The following PSPC1 variants were observed in gnomAD, a reference collection of about 807,000 sequenced individuals.
PSPC1 encodes the protein paraspeckle protein 1.
PSPC1 carries 14 observed loss-of-function variants against 51.6 expected under a neutral mutation model. That is an observed-to-expected ratio of 0.27 (90% CI 0.18 to 0.42). The LOEUF (loss-of-function observed/expected upper bound fraction) is 0.42. Ranked by LOEUF, PSPC1 falls within the 10% of genes least tolerant of loss-of-function variation. PSPC1 has a pLI of 1.00. For missense variants in PSPC1, 406 were observed against 701.1 expected, an observed-to-expected ratio of 0.58 and a Z score of 4.75; for synonymous variants, 193 against 231.9, an observed-to-expected ratio of 0.83 and a Z score of 1.53.
intron 2 of PSPC1, among the ~76,000 whole-genome samples, chr13:19,768,052 T>C (rs1279831933): frequency 6.6e-6 from 1 of 151,568 alleles, no homozygotes; most frequent in Non-Finnish European, 1.5e-5. Context: ...ACCTCATATC[T>C]ACTTTAAAAA....
At chr13:19,766,753 C>T (rs188064894) in intron 2 of PSPC1, among the ~76,000 whole-genome samples, 1 of 151,242 alleles carries the variant, frequency 6.6e-6, no homozygotes, top group Non-Finnish European at 1.5e-5. Flanking sequence ...AGCTTGGGAG[C>T]CTGAGGTGGG....
chr13:19,729,986 CAT>C (rs1216916274), intron 6 of PSPC1, among the ~76,000 whole-genome samples: 9 of 151,924 alleles, frequency 5.9e-5, no homozygotes, highest in Non-Finnish European at 1.2e-4. Context: ...AACTTAATAG[CAT>C]ATGTTTTTTT....
At chr13:19,744,739 A>AT (rs1367635495) in intron 4 of PSPC1, among the ~76,000 whole-genome samples, 1 of 152,020 alleles carries the variant, frequency 6.6e-6, no homozygotes, top group Non-Finnish European at 1.5e-5. Flanking sequence ...TAATTTTTGT[A>AT]TTTTTAGTAG....
At chr13:19,709,498 C>T (rs767236068) in intron 7 of PSPC1, 44 bp downstream of exon 7, 23 of 1,506,066 alleles carry the variant, frequency 1.5e-5, no homozygotes, top group Non-Finnish European at 2.1e-5. Flanking sequence ...AACAGTCCCC[C>T]CAAAAATGAT....
intron 6 of PSPC1, among the ~76,000 whole-genome samples, chr13:19,713,929 A>G (rs554138466): frequency 1.3e-5 from 2 of 152,292 alleles, no homozygotes; most frequent in East Asian, 3.9e-4. Flanking sequence ...CATTCACTAC[A>G]TTTAATGGTG....
At chr13:19,704,525 T>C (rs1187956401) in intron 8 of PSPC1, among the ~76,000 whole-genome samples, 25 of 152,302 alleles carry the variant, frequency 1.6e-4, no homozygotes, top group Non-Finnish European at 2.5e-4. Context: ...CTTAGCAGCA[T>C]TGGCGCCTCA....
chr13:19,777,517 A>G (rs1289731422), intron 1 of PSPC1, among the ~76,000 whole-genome samples: 1 of 152,096 alleles, frequency 6.6e-6, no homozygotes, highest in African/African-American at 2.4e-5. Flanking sequence ...AAATAAATAA[A>G]TGCATTTATA....
At chr13:19,749,916 T>C (rs1348949312) in intron 4 of PSPC1, among the ~76,000 whole-genome samples, 2 of 152,182 alleles carry the variant, frequency 1.3e-5, no homozygotes, top group Admixed American at 1.3e-4. Flanking sequence ...CTAACTAGTT[T>C]CTATGGTTTG....
downstream of PSPC1, among the ~76,000 whole-genome samples, chr13:19,697,571 TCTCA>T (rs1879408587): frequency 1.3e-5 from 2 of 152,172 alleles, no homozygotes; most frequent in Non-Finnish European, 1.5e-5. Flanking sequence ...TATCTGAACT[TCTCA>T]CTCCAAAGTT....
At chr13:19,772,986 A>G (rs1480145141) in intron 1 of PSPC1, among the ~76,000 whole-genome samples, 3 of 151,944 alleles carry the variant, frequency 2.0e-5, no homozygotes, top group Non-Finnish European at 2.9e-5. Context: ...ACAGGGTGAA[A>G]TCCCACCTCT....
At chr13:19,726,055 T>C (rs376833299) in intron 6 of PSPC1, among the ~76,000 whole-genome samples, 8 of 152,260 alleles carry the variant, frequency 5.3e-5, no homozygotes, top group Admixed American at 6.5e-5. Context: ...CTTGGGAGGC[T>C]GAGGCAGGAA....
Position 19,771,240 on chromosome 13 carries a change from C to T in PSPC1, c.674+1002G>A, listed in dbSNP as rs116189775. On this transcript the variant is annotated intron_variant, in intron 2 of 8. Transcript: ENST00000338910. ...GCAACCTCCGCCCCCCGGGTTCAACCGATTCTGGTGACTCACCCTCCCAAG... is the reference window on the plus strand; with the variant it reads ...GCAACCTCCGCCCCCCGGGTTCAACTGATTCTGGTGACTCACCCTCCCAAG... 1.6e-3 allele frequency among the ~76,000 whole-genome samples: 250 copies of T among 152,048 alleles called. 2 individuals carry two copies. Among genetic ancestry groups the T allele is most frequent in the African/African-American group, 5.8e-3 (239 of 41,516 alleles).
intron 6 of PSPC1, chr13:19,678,580 A>C (rs1382869463): frequency 1.3e-5 from 2 of 152,118 alleles, no homozygotes; most frequent in African/African-American, 4.8e-5. Context: ...CCCATTTGGG[A>C]CTCAATTTGC....
At position 19,741,532 on chromosome 13, in the gene PSPC1, C is replaced by A. The variant is rs372965843; in HGVS notation, c.1052+33G>T. On this transcript the variant is annotated intron_variant, in intron 5 of 8. Coordinates refer to ENST00000338910, the MANE Select transcript of PSPC1 (RefSeq NM_001354909.2). ...GGGGAGTTTTTATTAATAAGACATACAATTCATGTTTCTTAAAATGATCTT... is the reference window on the plus strand; with the variant it reads ...GGGGAGTTTTTATTAATAAGACATAAAATTCATGTTTCTTAAAATGATCTT... 4 of 1,424,280 alleles carry A rather than the reference C, an allele frequency of 2.8e-6. No homozygotes were observed. The Admixed American group carries it at 7.7e-5, about 27-fold the overall frequency. The allele number at this position is 1,424,280 out of a possible 1,614,324, so 88.2% of individuals were successfully genotyped here. A position where few individuals can be genotyped will look rare whatever the true frequency, so the allele number is the denominator to read the frequency against.
At chr13:19,676,340 A>C (rs1304012690) in intron 7 of PSPC1, among the ~76,000 whole-genome samples, 2 of 152,178 alleles carry the variant, frequency 1.3e-5, no homozygotes, top group African/African-American at 4.8e-5. Context: ...TGGCTTGAGA[A>C]TGTGCATTCT....
At chr13:19,729,872 C>T (rs181851865) in intron 6 of PSPC1, among the ~76,000 whole-genome samples, 70 of 152,196 alleles carry the variant, frequency 4.6e-4, no homozygotes, top group African/African-American at 1.6e-3. Flanking sequence ...GTGTTCACTA[C>T]AATTCTTCTG....
intron 6 of PSPC1, among the ~76,000 whole-genome samples, chr13:19,682,559 G>C (rs555903601): frequency 1.3e-5 from 2 of 148,662 alleles, no homozygotes; most frequent in Admixed American, 6.7e-5. Flanking sequence ...TGTTCACAAC[G>C]TCAGGCTCAC....
chr13:19,676,957 G>A (rs559430736), intron 7 of PSPC1, among the ~76,000 whole-genome samples: 2 of 152,278 alleles, frequency 1.3e-5, no homozygotes, highest in South Asian at 2.1e-4. Flanking sequence ...TTTTCTGGCC[G>A]GGCACAGTGG....
At chr13:19,692,221 T>C (rs914461919) in intron 6 of PSPC1, among the ~76,000 whole-genome samples, 1 of 152,066 alleles carries the variant, frequency 6.6e-6, no homozygotes, top group African/African-American at 2.4e-5. Context: ...CCTCCCAGGT[T>C]CAAGCGATTC....
Sources: allele counts gnomAD v4.1 joint callset (sites outside exome capture counted in the v4.1 genomes callset), GRCh38; gene constraint gnomAD v4.1.1; transcripts MANE v1.5; gene names NCBI Gene and HGNC (gene_info 2026-07-23, HGNC 2026-07-21).